CCT6B: variants seen among roughly 807,000 people sequenced by gnomAD.
The protein encoded by CCT6B is chaperonin containing TCP1 subunit 6B.
CCT6B carries 49 observed loss-of-function variants against 61.5 expected under a neutral mutation model. The ratio of observed to expected loss-of-function variants is 0.80; its 90% CI spans 0.63 to 1.01. The LOEUF (loss-of-function observed/expected upper bound fraction) is 1.01. CCT6B is among the 50% of genes least tolerant of loss of function. The pLI is 0.00. For synonymous variants in CCT6B, 228 were observed against 214.5 expected (o/e 1.06, Z -0.55); for missense variants, 666 against 634.7 (o/e 1.05, Z -0.53).
chr17:34,938,401 TACAAAAAAAA>T (rs1453219950), intron 10 of CCT6B, among the ~76,000 whole-genome samples: 1 of 151,606 alleles, frequency 6.6e-6, no homozygotes, highest in Non-Finnish European at 1.5e-5. Context: ...AACTCATCTC[TACAAAAAAAA>T]ATTAAAAATT....
In CCT6B at chr17:34,930,971, A is replaced by G; in HGVS notation, c.1428T>C (p.Leu476=). Residue 476 remains leucine, a synonymous_variant, in exon 12 of 14, where the codon CTT becomes CTC. Transcript: ENST00000314144. ...VQAEHVESKQ[L]VGVDLNTGEP... ...TACCTGTATTCAAATCTACGCCCAC[A>G]AGTTGTTTTGACTCGACATGCTCAG... is the stretch of plus-strand genomic sequence containing the variant. The G allele has an allele frequency of 1.2e-6, 2 of 1,600,254 alleles. No individual in the cohort carries two copies. Among genetic ancestry groups the G allele is most frequent in the South Asian group, 2.2e-5 (2 of 90,114 alleles).
At chr17:34,959,117 A>G (rs1295915854) in intron 2 of CCT6B, among the ~76,000 whole-genome samples, 1 of 129,848 alleles carries the variant, frequency 7.7e-6, no homozygotes, top group South Asian at 2.5e-4. Context: ...CAGCCAAAAA[A>G]AAAAACTTTT....
Position 34,961,215 on chromosome 17 carries a change from G to A in CCT6B, c.137+42C>T, listed in dbSNP as rs769896762. On this transcript the variant is annotated intron_variant, in intron 1 of 13. Coordinates refer to ENST00000314144, the MANE Select transcript of CCT6B (RefSeq NM_006584.4). ...CCTCAGAGGGCGACAGGACACCAAC[G>A]GGCCCCTAGCCGCGTAATGGCCGCT... 3.2e-6 allele frequency: 5 copies of A among 1,564,576 alleles called. No homozygotes were observed. The East Asian group carries it at 6.8e-5, about 21-fold the overall frequency.
intron 5 of CCT6B, among the ~76,000 whole-genome samples, chr17:34,948,018 G>C (rs1323882129): frequency 1.3e-5 from 2 of 151,380 alleles, no homozygotes; most frequent in Admixed American, 6.6e-5. Flanking sequence ...TAAGTAGAAA[G>C]TATAAAACAA....
chr17:34,951,837 A>C, intron 5 of CCT6B, 113 bp downstream of exon 5: 1 of 540,730 alleles, frequency 1.8e-6, no homozygotes, highest in East Asian at 3.1e-5. Flanking sequence ...CAGTGACTTA[A>C]TATATGGTGA....
Position 34,959,541 on chromosome 17 carries a change from A to C in CCT6B, c.201+46T>G, listed in dbSNP as rs748764867. 5.9e-6 allele frequency: 8 copies of C among 1,349,774 alleles called. No homozygotes were observed. The South Asian group carries it at 8.2e-5, about 14-fold the overall frequency. 83.6% of individuals were successfully genotyped at this position (1,349,774 alleles called of 1,614,324 possible). On this transcript the variant is annotated intron_variant, in intron 2 of 13. Coordinates refer to ENST00000314144, the MANE Select transcript of CCT6B (RefSeq NM_006584.4). ...GATACACAAGTTCTACTATGCTTCT[A>C]ATTAAGGCTTATTAAGGTTTATTAA... is the stretch of plus-strand genomic sequence containing the variant.
chr17:34,929,447 T>G (rs2090008910), intron 12 of CCT6B, among the ~76,000 whole-genome samples: 1 of 151,896 alleles, frequency 6.6e-6, no homozygotes, highest in South Asian at 2.1e-4. Context: ...ACACATCTGA[T>G]GACTCTCAAG....
intron 1 of CCT6B, among the ~76,000 whole-genome samples, chr17:34,960,046 T>C (rs916208799): frequency 6.6e-6 from 1 of 152,234 alleles, no homozygotes; most frequent in Non-Finnish European, 1.5e-5. Flanking sequence ...CCAAGTTCTA[T>C]CAATTCTACT....
intron 13 of CCT6B, 122 bp from the exon 14 acceptor site, chr17:34,928,239 G>T: frequency 1.8e-6 from 1 of 540,666 alleles, no homozygotes; most frequent in Non-Finnish European, 3.3e-6. Context: ...TGTTTTATGA[G>T]ACAAGGCTAT....
In CCT6B at chr17:34,932,400, T is replaced by C. The variant is rs2090045408; in HGVS notation, c.1314A>G (p.Gln438=). 3 of 1,611,814 alleles carry C rather than the reference T, an allele frequency of 1.9e-6. No individual in the cohort carries two copies. The highest frequency in any genetic ancestry group is 1.1e-5 in the South Asian group (1 of 90,462). The part of the protein sequence containing the change: ...SIKGRARLGV[Q]AFADALLIIP... ...TAATGAGTAAGGCATCAGCAAAAGC[T>C]TGGACTCCAAGACGAGCTCTTCCTT... The change falls in exon 11 of 14, where the codon CAA becomes CAG. Residue 438 remains glutamine (Q), a synonymous_variant. Coordinates refer to ENST00000314144, the MANE Select transcript of CCT6B (RefSeq NM_006584.4).
intron 10 of CCT6B, among the ~76,000 whole-genome samples, chr17:34,935,665 G>A (rs1385708686): frequency 6.6e-6 from 1 of 151,976 alleles, no homozygotes; most frequent in Non-Finnish European, 1.5e-5. Flanking sequence ...AGACCAGCCA[G>A]GCCAACATGG....
chr17:34,937,201 T>C (rs879919068), intron 10 of CCT6B, among the ~76,000 whole-genome samples: 1 of 152,002 alleles, frequency 6.6e-6, no homozygotes, highest in Non-Finnish European at 1.5e-5. Flanking sequence ...GTCTTTTTGG[T>C]AGAAATTGAC....
At chr17:34,959,908 G>C (rs1027185258) in intron 1 of CCT6B, among the ~76,000 whole-genome samples, 2 of 152,132 alleles carry the variant, frequency 1.3e-5, no homozygotes, top group Non-Finnish European at 1.5e-5. Flanking sequence ...CTGTGGTTTG[G>C]TCAAAGAATA....
chr17:34,937,891 C>CTT (rs911609496), intron 10 of CCT6B, among the ~76,000 whole-genome samples: 1 of 144,442 alleles, frequency 6.9e-6, no homozygotes. Flanking sequence ...CTTTTCTTCT[C>CTT]TTTTTTTTTT....
intron 5 of CCT6B, among the ~76,000 whole-genome samples, chr17:34,944,941 A>AG (rs1431373954): frequency 1.3e-5 from 2 of 152,272 alleles, no homozygotes; most frequent in Admixed American, 1.3e-4. Context: ...AGAAAAAAAA[A>AG]GTAAATGTTT....
At chr17:34,956,771 C>T (rs1320023663) in intron 3 of CCT6B, among the ~76,000 whole-genome samples, 1 of 152,038 alleles carries the variant, frequency 6.6e-6, no homozygotes. Context: ...AGTCTTTCTT[C>T]GCTCTCCTCT....
At chr17:34,942,050 A>C (rs1399226334) in intron 7 of CCT6B, among the ~76,000 whole-genome samples, 2 of 152,164 alleles carry the variant, frequency 1.3e-5, no homozygotes, top group Non-Finnish European at 2.9e-5. Flanking sequence ...CAAAAGAAAA[A>C]AAAAAAACAG....
intron 3 of CCT6B, among the ~76,000 whole-genome samples, chr17:34,957,658 T>C (rs1391937044): frequency 6.6e-6 from 1 of 152,162 alleles, no homozygotes; most frequent in South Asian, 2.1e-4. Flanking sequence ...GCATCCTAAG[T>C]TGCAAGTACT....
In CCT6B at chr17:34,952,051, A is replaced by C. The variant is rs201200052; in HGVS notation, c.513T>G (p.Val171=). The C allele has an allele frequency of 3.8e-6, 6 of 1,580,130 alleles. No homozygotes were observed. Among genetic ancestry groups the C allele is most frequent in the Non-Finnish European group, 4.3e-6 (5 of 1,150,434 alleles). ...HAELADVLTE[V]VVDSVLAVRR... ...TAACAGCCAAAACAGAATCCACCAC[A>C]ACCTGAAAGAGAAATGAATGAGAAC... Residue 171 remains valine, a splice_region_variant and synonymous_variant, in exon 5 of 14, where the codon GTT becomes GTG. Coordinates refer to ENST00000314144, the MANE Select transcript of CCT6B (RefSeq NM_006584.4).
Sources: gnomAD v4.1 joint callset for allele counts (sites outside exome capture counted in the v4.1 genomes callset) on GRCh38, gnomAD v4.1.1 for gene constraint, MANE v1.5 for transcripts, NCBI Gene and HGNC (gene_info 2026-07-23, HGNC 2026-07-21) for gene names.